MGAT4C: variants seen among roughly 807,000 people sequenced by gnomAD.
MGAT4C encodes the protein alpha-1,3-mannosyl-glycoprotein 4-beta-N-acetylglucosaminyltransferase C.
A neutral mutation model predicts 40.1 loss-of-function variants in MGAT4C; 19 were observed. The ratio of observed to expected loss-of-function variants is 0.47; its 90% CI spans 0.33 to 0.70. The LOEUF (loss-of-function observed/expected upper bound fraction) is 0.70, where lower values mean the gene tolerates loss of function less well. Ranked by LOEUF, MGAT4C falls within the 30% of genes least tolerant of loss-of-function variation. The pLI is 0.02. For missense variants in MGAT4C, 491 were observed against 563.2 expected (o/e 0.87, Z 1.30); for synonymous variants, 181 against 187.1 (o/e 0.97, Z 0.27).
At position 86,440,615 on chromosome 12, in the gene MGAT4C, A is replaced by C. The variant is rs564820471; in HGVS notation, c.-228-5350T>G. Among the ~76,000 whole-genome samples, 16 of 152,278 alleles carry C rather than the reference A, an allele frequency of 1.1e-4. No homozygotes were observed. In the East Asian group the frequency reaches 2.9e-3, roughly 28 times the overall value. Reference sequence around the variant, plus strand: ...TCACTTCTATTCAACATAGCACTGAAAGTCCTAGCCAGAGCAATCAGGGAA... The same window carrying C: ...TCACTTCTATTCAACATAGCACTGACAGTCCTAGCCAGAGCAATCAGGGAA... On this transcript the variant is annotated intron_variant, in intron 2 of 7. Coordinates refer to the MGAT4C transcript ENST00000548651.
At chr12:86,236,527 T>C (rs547338958) in intron 1 of MGAT4C, among the ~76,000 whole-genome samples, 11 of 152,018 alleles carry the variant, frequency 7.2e-5, no homozygotes, top group Non-Finnish European at 1.6e-4. Context: ...GAAGTATAAA[T>C]GGATGACAAG....
intron 1 of MGAT4C, among the ~76,000 whole-genome samples, chr12:86,204,834 C>T (rs1394447509): frequency 6.6e-6 from 1 of 152,018 alleles, no homozygotes; most frequent in Non-Finnish European, 1.5e-5. Flanking sequence ...TATGTGAAAA[C>T]TTTTAAGTAA....
At chr12:86,642,611 C>T (rs1005669060) in intron 2 of MGAT4C, among the ~76,000 whole-genome samples, 5 of 151,618 alleles carry the variant, frequency 3.3e-5, no homozygotes, top group African/African-American at 9.7e-5. Flanking sequence ...AAAGGAGTCA[C>T]GAGACTAGGT....
At chr12:86,615,367 G>A (rs1962415176) in intron 2 of MGAT4C, among the ~76,000 whole-genome samples, 1 of 151,982 alleles carries the variant, frequency 6.6e-6, no homozygotes, top group South Asian at 2.1e-4. Flanking sequence ...TAAGAAGACA[G>A]GTACATTAGT....
rs1565980916 is a variant in MGAT4C at position 86,773,942 on chromosome 12, C to CTTTTTTTTTTTTTTTT, written c.-261-46702_-261-46701insAAAAAAAAAAAAAAAA. 1.1e-4 allele frequency among the ~76,000 whole-genome samples: 12 copies of CTTTTTTTTTTTTTTTT among 106,520 alleles called. 4 individuals carry two copies. Among genetic ancestry groups the CTTTTTTTTTTTTTTTT allele is most frequent in the Non-Finnish European group, 9.6e-5 (5 of 52,286 alleles). The allele number at this position is 106,520 out of a possible 152,430, so 69.9% of individuals were successfully genotyped here. A position where few individuals can be genotyped will look rare whatever the true frequency, so the allele number is the denominator to read the frequency against. On this transcript the variant is annotated intron_variant, in intron 1 of 7. Transcript: ENST00000548651. ...ACAGGTTCACATTTTTTTAAAGTAA[C>CTTTTTTTTTTTTTTTT]TTCTTTTTTTTTTTTTTTTTTTTTT...
intron 3 of MGAT4C, among the ~76,000 whole-genome samples, chr12:86,426,526 T>C (rs1956929357): frequency 6.6e-6 from 1 of 152,214 alleles, no homozygotes; most frequent in Admixed American, 6.5e-5. Flanking sequence ...GTCAGGCAAC[T>C]TGCTCAGGCT....
At chr12:86,481,644 C>G (rs765145440) in intron 2 of MGAT4C, among the ~76,000 whole-genome samples, 1 of 152,006 alleles carries the variant, frequency 6.6e-6, no homozygotes, top group East Asian at 1.9e-4. Context: ...CATGCAGACA[C>G]GCACACACAC....
chr12:86,598,273 T>C (rs969233295), intron 2 of MGAT4C, among the ~76,000 whole-genome samples: 22 of 152,158 alleles, frequency 1.4e-4, no homozygotes, highest in African/African-American at 5.3e-4. Flanking sequence ...ATAATTTATA[T>C]ATAATTGTAA....
chr12:86,530,451 G>C (rs188023397), intron 2 of MGAT4C, among the ~76,000 whole-genome samples: 3 of 151,838 alleles, frequency 2.0e-5, no homozygotes, highest in Non-Finnish European at 4.4e-5. Flanking sequence ...GACATATTAT[G>C]TACTCCTTAG....
At chr12:86,065,012 A>G (rs552923810) in intron 1 of MGAT4C, among the ~76,000 whole-genome samples, 4 of 152,310 alleles carry the variant, frequency 2.6e-5, no homozygotes, top group African/African-American at 7.2e-5. Context: ...CTATACCAGG[A>G]AGAAGTTGCA....
intron 1 of MGAT4C, among the ~76,000 whole-genome samples, chr12:86,080,964 A>T (rs1870727356): frequency 6.6e-6 from 1 of 152,232 alleles, no homozygotes; most frequent in South Asian, 2.1e-4. Flanking sequence ...AATCAAGTCT[A>T]TAAGTAATGC....
At chr12:86,444,983 T>C (rs1459103572) in intron 2 of MGAT4C, among the ~76,000 whole-genome samples, 1 of 152,158 alleles carries the variant, frequency 6.6e-6, no homozygotes, top group Non-Finnish European at 1.5e-5. Flanking sequence ...AACTTATCCA[T>C]AGTGACAGAA....
intron 2 of MGAT4C, among the ~76,000 whole-genome samples, chr12:86,615,908 T>C (rs928223190): frequency 2.6e-5 from 4 of 152,076 alleles, no homozygotes; most frequent in Non-Finnish European, 5.9e-5. Context: ...AAACCCACTA[T>C]TGTGAGAGAC....
chr12:86,167,337 T>C (rs1437596729), intron 1 of MGAT4C, among the ~76,000 whole-genome samples: 1 of 152,214 alleles, frequency 6.6e-6, no homozygotes, highest in Non-Finnish European at 1.5e-5. Flanking sequence ...TTATTACAAA[T>C]GTTTTGAGAA....
intron 4 of MGAT4C, among the ~76,000 whole-genome samples, chr12:86,274,674 AAGT>A (rs1157063520): frequency 6.6e-6 from 1 of 152,208 alleles, no homozygotes; most frequent in Admixed American, 6.5e-5. Context: ...TGAAAAGCAA[AAGT>A]AGTATTTAAT....
chr12:86,316,843 A>G (rs7135646), intron 4 of MGAT4C, among the ~76,000 whole-genome samples: 2,778 of 152,272 alleles, frequency 0.018, 81 homozygotes, highest in African/African-American at 0.063. Flanking sequence ...AAGCCTGCCT[A>G]CGTACCACTC....
chr12:86,552,025 G>GCAAAAAAAAAAAAAAAA (rs1959388259), intron 2 of MGAT4C, among the ~76,000 whole-genome samples: 1 of 78,726 alleles, frequency 1.3e-5, no homozygotes. Context: ...ATTAAAAAAA[G>GCAAAAAAAAAAAAAAAA]CAAAAAAAAA....
At chr12:86,361,923 T>A (rs1955483768) in intron 3 of MGAT4C, among the ~76,000 whole-genome samples, 1 of 152,218 alleles carries the variant, frequency 6.6e-6, no homozygotes, top group African/African-American at 2.4e-5. Context: ...TGGAAGACAG[T>A]GTGGCAATTC....
chr12:86,566,553 T>C (rs1219475912), intron 2 of MGAT4C, among the ~76,000 whole-genome samples: 19 of 111,958 alleles, frequency 1.7e-4, no homozygotes, highest in African/African-American at 8.7e-4. Context: ...TATATATATA[T>C]ATATATATAT....
Sources: gnomAD v4.1 joint callset for allele counts (sites outside exome capture counted in the v4.1 genomes callset) on GRCh38, gnomAD v4.1.1 for gene constraint, MANE v1.5 for transcripts, NCBI Gene and HGNC (gene_info 2026-07-23, HGNC 2026-07-21) for gene names.